The following COL25A1 variants were observed in gnomAD, a reference collection of about 807,000 sequenced individuals.
COL25A1 encodes collagen alpha-1(XXV) chain.
COL25A1 carries 103 observed loss-of-function variants against 128.4 expected under a neutral mutation model. The observed-to-expected ratio is 0.80, with a 90% confidence interval of 0.68 to 0.94. The LOEUF (loss-of-function observed/expected upper bound fraction) is 0.94. Ranked by LOEUF, COL25A1 falls within the 40% of genes least tolerant of loss-of-function variation. COL25A1 has a pLI of 0.00. For synonymous variants in COL25A1, 279 were observed against 277.2 expected, an observed-to-expected ratio of 1.01 and a Z score of -0.06; for missense variants, 745 against 840.0, an observed-to-expected ratio of 0.89 and a Z score of 1.40.
At chr4:109,226,282 C>T (rs1157122837) in intron 3 of COL25A1, among the ~76,000 whole-genome samples, 1 of 151,926 alleles carries the variant, frequency 6.6e-6, no homozygotes, top group Non-Finnish European at 1.5e-5. Context: ...GTACAATGTA[C>T]CCTGGGTGAT....
At chr4:108,998,935 C>T (rs955027033) in intron 6 of COL25A1, among the ~76,000 whole-genome samples, 7 of 152,132 alleles carry the variant, frequency 4.6e-5, no homozygotes, top group African/African-American at 1.7e-4. Context: ...AAACTGGATC[C>T]CTTCTTTACA....
intron 3 of COL25A1, among the ~76,000 whole-genome samples, chr4:109,154,425 C>T (rs181630964): frequency 6.6e-6 from 1 of 152,192 alleles, no homozygotes. Flanking sequence ...CTTTCTCACA[C>T]ACAAACACAC....
chr4:109,139,074 G>A (rs751154486), intron 3 of COL25A1, among the ~76,000 whole-genome samples: 8 of 152,136 alleles, frequency 5.3e-5, no homozygotes, highest in Non-Finnish European at 7.3e-5. Flanking sequence ...GACCAGTGAT[G>A]ATGAGCTTTT....
At chr4:109,194,615 C>A (rs1190011130) in intron 3 of COL25A1, among the ~76,000 whole-genome samples, 2 of 152,014 alleles carry the variant, frequency 1.3e-5, no homozygotes, top group African/African-American at 4.8e-5. Flanking sequence ...GGATAGGTAA[C>A]TTTGTAAACT....
rs555253429 is a variant in COL25A1 at position 109,049,617 on chromosome 4, G to T, written c.412+518C>A. On this transcript the variant is annotated intron_variant, in intron 4 of 37. Coordinates refer to ENST00000399132, the MANE Select transcript of COL25A1 (RefSeq NM_198721.4). Reference sequence around the variant, plus strand: ...CTCTTGTCATCACTAAAATTCCATGGTTGTACAAGAAGGATAAAACATTCC... The same window carrying T: ...CTCTTGTCATCACTAAAATTCCATGTTTGTACAAGAAGGATAAAACATTCC... 2.0e-5 allele frequency among the ~76,000 whole-genome samples: 3 copies of T among 152,280 alleles called. No individual in the cohort carries two copies. In the East Asian group the frequency reaches 5.8e-4, roughly 29 times the overall value.
intron 31 of COL25A1, among the ~76,000 whole-genome samples, chr4:108,834,786 T>TA (rs1275236028): frequency 1.3e-5 from 2 of 152,170 alleles, no homozygotes; most frequent in Non-Finnish European, 2.9e-5. Context: ...GGTAATTTCC[T>TA]AAAAAAGCGC....
chr4:108,986,289 A>C (rs977433445), intron 6 of COL25A1, among the ~76,000 whole-genome samples: 3 of 152,190 alleles, frequency 2.0e-5, no homozygotes, highest in African/African-American at 7.2e-5. Flanking sequence ...TGTAATCTAC[A>C]ATGAAAAAGT....
rs115325750 is a variant in COL25A1 at position 109,167,676 on chromosome 4, G to A, written c.368-117497C>T. On this transcript the variant is annotated intron_variant, in intron 3 of 37. Transcript: ENST00000399132. ...CTCCCTTGTTTTTGAGTTACTTCAT[G>A]TACATTAGCTTGGGGCTGAACACTG... Among the ~76,000 whole-genome samples, 896 of 152,100 alleles carry A rather than the reference G, an allele frequency of 5.9e-3. 3 individuals are homozygous for A. The highest frequency in any genetic ancestry group is 0.017 in the South Asian group (83 of 4,816).
chr4:109,080,704 T>C lies in COL25A1; in HGVS notation c.368-30525A>G, dbSNP rs112931505. Among the ~76,000 whole-genome samples, 431 of 152,312 alleles carry C rather than the reference T, an allele frequency of 2.8e-3. 3 individuals carry two copies. Among genetic ancestry groups the C allele is most frequent in the African/African-American group, 9.6e-3 (400 of 41,574 alleles). Reference sequence around the variant, plus strand: ...CTCTGTTTTTTATGTTATTTAGATATATCAGACTTAAACGGCTTCCTATTT... The same window carrying C: ...CTCTGTTTTTTATGTTATTTAGATACATCAGACTTAAACGGCTTCCTATTT... On this transcript the variant is annotated intron_variant, in intron 3 of 37. Transcript: ENST00000399132.
chr4:108,827,840 T>C (rs1385036633), intron 32 of COL25A1, among the ~76,000 whole-genome samples: 2 of 152,056 alleles, frequency 1.3e-5, no homozygotes, highest in Non-Finnish European at 2.9e-5. Context: ...TTTCCTTCTA[T>C]CAAAAAACAA....
chr4:108,982,675 T>C (rs1435589991), intron 6 of COL25A1, among the ~76,000 whole-genome samples: 1 of 152,154 alleles, frequency 6.6e-6, no homozygotes, highest in Non-Finnish European at 1.5e-5. Context: ...CACCTTTCAG[T>C]GTGTACTGAA....
intron 3 of COL25A1, among the ~76,000 whole-genome samples, chr4:109,295,417 G>A (rs1327449510): frequency 1.3e-5 from 2 of 152,070 alleles, no homozygotes; most frequent in Non-Finnish European, 2.9e-5. Flanking sequence ...TATAAGAAGA[G>A]AGGAATGCCT....
chr4:108,872,719 T>C (rs1738908727), intron 19 of COL25A1, among the ~76,000 whole-genome samples: 3 of 151,720 alleles, frequency 2.0e-5, no homozygotes, highest in East Asian at 1.9e-4. Flanking sequence ...TATACATATA[T>C]ACACACACAC....
At chr4:109,147,387 G>A (rs796080029) in intron 3 of COL25A1, among the ~76,000 whole-genome samples, 5 of 152,154 alleles carry the variant, frequency 3.3e-5, no homozygotes, top group African/African-American at 4.8e-5. Flanking sequence ...TAAGGGAATC[G>A]CTCACTCCTC....
chr4:109,108,521 T>C (rs1358387900), intron 3 of COL25A1, among the ~76,000 whole-genome samples: 1 of 152,138 alleles, frequency 6.6e-6, no homozygotes, highest in Non-Finnish European at 1.5e-5. Context: ...AGCAGCATGA[T>C]TTATAATCCT....
intron 3 of COL25A1, among the ~76,000 whole-genome samples, chr4:109,149,958 G>GCGCGTCTA (rs1771314572): frequency 6.6e-6 from 1 of 151,070 alleles, no homozygotes; most frequent in African/African-American, 2.4e-5. Flanking sequence ...GTGTGTGTGT[G>GCGCGTCTA]TACCTGTGTG....
At chr4:108,846,791 A>G (rs1177530121) in intron 27 of COL25A1, among the ~76,000 whole-genome samples, 1 of 151,908 alleles carries the variant, frequency 6.6e-6, no homozygotes, top group African/African-American at 2.4e-5. Flanking sequence ...CAGTGTTCTT[A>G]TTTTGTTCTC....
intron 8 of COL25A1, chr4:108,942,070 G>C: frequency 1.4e-6 from 1 of 719,058 alleles, no homozygotes; most frequent in Non-Finnish European, 2.4e-6. Context: ...AATGATGCAA[G>C]TGGGGTCCCA....
At chr4:109,268,376 G>A (rs923628690) in intron 3 of COL25A1, among the ~76,000 whole-genome samples, 2 of 151,956 alleles carry the variant, frequency 1.3e-5, no homozygotes, top group Admixed American at 6.6e-5. Flanking sequence ...AGAAAATGAC[G>A]ACCACTGCCC....
Sources: allele counts gnomAD v4.1 joint callset (sites outside exome capture counted in the v4.1 genomes callset), GRCh38; gene constraint gnomAD v4.1.1; transcripts MANE v1.5; gene names NCBI Gene and HGNC (gene_info 2026-07-23, HGNC 2026-07-21).